CFAP298: variants seen among roughly 807,000 people sequenced by gnomAD.
CFAP298 encodes cilia and flagella associated protein 298.
CFAP298 carries 38 observed loss-of-function variants against 41.0 expected under a neutral mutation model. The observed-to-expected ratio is 0.93, with a 90% CI of 0.72 to 1.22. CFAP298 has a LOEUF of 1.22. Among genes scored for constraint, CFAP298 ranks in the 50% most tolerant of loss-of-function variants. The probability of loss-of-function intolerance (pLI) is 0.00; values close to 1 mark genes in which losing one functional copy is unlikely to be tolerated. For synonymous variants in CFAP298, 137 were observed against 135.3 expected (o/e 1.01, Z -0.09); for missense variants, 348 against 360.3 (o/e 0.97, Z 0.28).
chr21:32,610,106 T>C (rs185474701), intron 1 of CFAP298, 101 bp from the exon 2 acceptor site: 2 of 1,082,540 alleles, frequency 1.8e-6, no homozygotes, highest in African/African-American at 1.6e-5. Flanking sequence ...TGGCTCACTA[T>C]TTTATGGAAC....
Position 32,603,195 on chromosome 21 carries a change from T to G in CFAP298, c.632A>C (p.Asn211Thr). 1 of 1,614,234 alleles carries G rather than the reference T, an allele frequency of 6.2e-7. No homozygotes were observed. Residue 211 changes from asparagine (N) to threonine (T), a missense_variant, in exon 5 of 7, where the codon AAT (asparagine) becomes ACT (threonine). By Grantham distance (65) the Asn-to-Thr change is moderately conservative. Coordinates refer to ENST00000290155, the MANE Select transcript of CFAP298 (RefSeq NM_021254.4). ...TKKLSDYVGK[N>T]EKTKIIAKIQ... The stretch of plus-strand genomic sequence containing the variant: ...CTTGGCGATAATTTTGGTTTTTTCA[T>G]TCTTCCCCACGTAGTCTGAAAGCTT...
chr21:32,600,188 A>G lies in CFAP298; in HGVS notation c.*1675T>C, dbSNP rs1259455696. Among the ~76,000 whole-genome samples the G allele has an allele frequency of 6.6e-6, 1 of 152,200 alleles. No homozygotes were observed. Among genetic ancestry groups the G allele is most frequent in the Non-Finnish European group, 1.5e-5 (1 of 68,034 alleles). Reference sequence around the variant, plus strand: ...ATATACTACATCATCCAAGGTCAAAACCCTTTCATAGAGACATTTAAAACT... The same window carrying G: ...ATATACTACATCATCCAAGGTCAAAGCCCTTTCATAGAGACATTTAAAACT... On this transcript the variant is annotated 3_prime_UTR_variant, in exon 7 of 7. Transcript: ENST00000290155.
chr21:32,608,224 C>CAAAAAAAAAAA (rs751998741), intron 2 of CFAP298, among the ~76,000 whole-genome samples: 2 of 93,944 alleles, frequency 2.1e-5, no homozygotes, highest in Admixed American at 9.8e-5. Context: ...GCTTAGAAGC[C>CAAAAAAAAAAA]AAAAAAAAAA....
At chr21:32,602,016 G>A (rs756440026) in intron 6 of CFAP298, 43 bp from the exon 7 acceptor site, 2 of 1,259,508 alleles carry the variant, frequency 1.6e-6, no homozygotes, top group South Asian at 1.2e-5. Context: ...TTTCAGGAAA[G>A]TGTTTTGCAC....
intron 2 of CFAP298, among the ~76,000 whole-genome samples, chr21:32,608,454 C>T (rs1279121189): frequency 6.6e-6 from 1 of 151,814 alleles, no homozygotes; most frequent in Non-Finnish European, 1.5e-5. Flanking sequence ...GTCAGGAGTT[C>T]GAGACCAGCC....
At chr21:32,609,434 T>C (rs1262791304) in intron 2 of CFAP298, among the ~76,000 whole-genome samples, 1 of 152,096 alleles carries the variant, frequency 6.6e-6, no homozygotes, top group Non-Finnish European at 1.5e-5. Context: ...AGCTACAGAG[T>C]ACAGTATTTT....
At chr21:32,610,038 A>C (rs1352063773) in intron 1 of CFAP298, 33 bp from the exon 2 acceptor site, 1 of 1,570,328 alleles carries the variant, frequency 6.4e-7, no homozygotes, top group East Asian at 2.2e-5. Flanking sequence ...TATCACAATC[A>C]TAACACCTCA....
At chr21:32,603,422 C>A in intron 4 of CFAP298, 130 bp from the exon 5 acceptor site, 1 of 878,642 alleles carries the variant, frequency 1.1e-6, no homozygotes, top group East Asian at 2.5e-5. Flanking sequence ...CTGACTCCCG[C>A]ACCTCACTCT....
intron 1 of CFAP298, among the ~76,000 whole-genome samples, chr21:32,610,868 C>T (rs566474699): frequency 3.3e-5 from 5 of 152,106 alleles, no homozygotes; most frequent in South Asian, 2.1e-4. Flanking sequence ...CAAATAGTTA[C>T]GTTTGTATAT....
chr21:32,606,607 G>A (rs934034476), intron 3 of CFAP298, among the ~76,000 whole-genome samples: 1 of 152,212 alleles, frequency 6.6e-6, no homozygotes, highest in African/African-American at 2.4e-5. Flanking sequence ...ATATTAACAG[G>A]CACAGAGCTT....
chr21:32,607,593 C>CAAA, intron 3 of CFAP298, 56 bp downstream of exon 3: 1 of 984,786 alleles, frequency 1.0e-6, no homozygotes, highest in Non-Finnish European at 1.5e-6. Flanking sequence ...AATTCCATCT[C>CAAA]CAAAAAAAAA....
chr21:32,602,389 A>G lies in CFAP298; in HGVS notation c.667-22T>C, dbSNP rs374530868. The G allele has an allele frequency of 1.8e-5, 29 of 1,604,954 alleles. No homozygotes were observed. In the African/African-American group the frequency reaches 2.8e-4, roughly 16 times the overall value. ...CCCTCTGCAAAGAGGAGAGCAGAGCAAATTGTGGATTAAGGTGTTCTTAGA... is the reference window on the plus strand; with the variant it reads ...CCCTCTGCAAAGAGGAGAGCAGAGCGAATTGTGGATTAAGGTGTTCTTAGA... On this transcript the variant is annotated intron_variant, in intron 5 of 6. Transcript: ENST00000290155.
At position 32,600,681 on chromosome 21, in the gene CFAP298, T is replaced by C. The variant is rs1342097764; in HGVS notation, c.*1182A>G. 6.6e-6 allele frequency among the ~76,000 whole-genome samples: 1 copy of C among 152,202 alleles called. No individual in the cohort carries two copies. Among genetic ancestry groups the C allele is most frequent in the Non-Finnish European group, 1.5e-5 (1 of 68,032 alleles). On this transcript the variant is annotated 3_prime_UTR_variant, in exon 7 of 7. Coordinates refer to ENST00000290155, the MANE Select transcript of CFAP298 (RefSeq NM_021254.4). ...GATGAGTTGGAGTCTTTAAACTCAA[T>C]GGTGTCCTAGATACTCAGTTAGGAT...
Position 32,603,247 on chromosome 21 carries a change from C to A in CFAP298, c.580G>T (p.Ala194Ser). The change falls in exon 5 of 7, where the codon GCA becomes TCA. Residue 194 changes from alanine to serine, a missense_variant. By Grantham distance (99) the Ala-to-Ser change is moderately conservative. Coordinates refer to ENST00000290155, the MANE Select transcript of CFAP298 (RefSeq NM_021254.4). ...IKEAEAQLWWAAKELRRTKKL... is the reference protein window; with the variant it reads ...IKEAEAQLWWSAKELRRTKKL... ...TTCGTTCTTCTCAGCTCCTTGGCTG[C>A]CCACCACAGCTGCGCCTCTGCCTCT... The A allele has an allele frequency of 6.2e-7, 1 of 1,614,154 alleles. No individual in the cohort carries two copies.
intron 5 of CFAP298, 185 bp from the exon 6 acceptor site, chr21:32,602,552 C>T (rs1432238426): frequency 2.1e-6 from 3 of 1,416,226 alleles, no homozygotes; most frequent in East Asian, 2.6e-5. Context: ...GAGCCCTGGA[C>T]TCTCACTGTG....
rs572411234 is a variant in CFAP298 at position 32,606,226 on chromosome 21, C to T, written c.375+1423G>A. On this transcript the variant is annotated intron_variant, in intron 3 of 6. Coordinates refer to ENST00000290155, the MANE Select transcript of CFAP298 (RefSeq NM_021254.4). ...GACTTCAAAGTGCTGACTGGGTGTT[C>T]AGATAGAACCATCTCACAACCAGCT... 6.6e-5 allele frequency among the ~76,000 whole-genome samples: 10 copies of T among 152,200 alleles called. No individual in the cohort carries two copies. The East Asian group carries it at 1.9e-3, about 29-fold the overall frequency.
chr21:32,604,630 A>G (rs2038828171), intron 3 of CFAP298: 1 of 269,454 alleles, frequency 3.7e-6, no homozygotes, highest in African/African-American at 2.2e-5. Flanking sequence ...AGATGGGCTG[A>G]AAAGGTACAG....
At chr21:32,612,065 C>G (rs1251651907) in intron 1 of CFAP298, 40 bp downstream of exon 1, 2 of 1,501,794 alleles carry the variant, frequency 1.3e-6, no homozygotes. Context: ...CCACGCCGGT[C>G]TCTCGATCTG....
chr21:32,610,599 A>G (rs1006339085), intron 1 of CFAP298, among the ~76,000 whole-genome samples: 1 of 152,182 alleles, frequency 6.6e-6, no homozygotes, highest in Non-Finnish European at 1.5e-5. Flanking sequence ...CACATTTCCA[A>G]TTTATAACGT....
Sources: gnomAD v4.1 joint callset for allele counts (sites outside exome capture counted in the v4.1 genomes callset) on GRCh38, gnomAD v4.1.1 for gene constraint, MANE v1.5 for transcripts, NCBI Gene and HGNC (gene_info 2026-07-23, HGNC 2026-07-21) for gene names.